The following ERBB4 variants were observed in gnomAD, a reference collection of about 807,000 sequenced individuals.
ERBB4 encodes the protein receptor tyrosine-protein kinase erbB-4.
Under a neutral mutation model 158.0 loss-of-function variants are expected in ERBB4, and 42 were observed. That is an observed-to-expected ratio of 0.27 (90% CI 0.21 to 0.34). ERBB4 has a LOEUF of 0.34. Ranked by LOEUF, ERBB4 falls within the 10% of genes least tolerant of loss-of-function variation. The pLI is 1.00. For synonymous variants in ERBB4, 583 were observed against 558.7 expected (o/e 1.04, Z -0.61); for missense variants, 1,333 against 1,624.1 (o/e 0.82, Z 3.08).
chr2:211,628,809 C>T (rs954837926), intron 17 of ERBB4, among the ~76,000 whole-genome samples: 14 of 152,306 alleles, frequency 9.2e-5, no homozygotes, highest in African/African-American at 3.4e-4. Flanking sequence ...GTTCCTATTT[C>T]TCCACATCCT....
intron 1 of ERBB4, among the ~76,000 whole-genome samples, chr2:212,380,851 A>C (rs772609740): frequency 6.6e-6 from 1 of 151,234 alleles, no homozygotes; most frequent in Non-Finnish European, 1.5e-5. Context: ...GTATTTACTT[A>C]AAGTTTATTC....
intron 21 of ERBB4, among the ~76,000 whole-genome samples, chr2:211,430,315 TA>T (rs1214436921): frequency 3.3e-5 from 5 of 152,108 alleles, no homozygotes; most frequent in Non-Finnish European, 5.9e-5. Context: ...ATATGAAGTC[TA>T]GTCCTAATAG....
chr2:211,650,273 T>C (rs943168834), intron 16 of ERBB4, among the ~76,000 whole-genome samples: 2 of 152,084 alleles, frequency 1.3e-5, no homozygotes, highest in Non-Finnish European at 2.9e-5. Flanking sequence ...TTAAGTATTG[T>C]TCATTTATAA....
intron 1 of ERBB4, among the ~76,000 whole-genome samples, chr2:212,478,877 T>G (rs1689541611): frequency 6.6e-6 from 1 of 152,134 alleles, no homozygotes; most frequent in Admixed American, 6.6e-5. Context: ...GATGAGTTTG[T>G]GGGCAGGAAT....
rs901992446 is a variant in ERBB4, at chr2:211,607,890, G to A, written c.2301+11287C>T. Among the ~76,000 whole-genome samples the A allele has an allele frequency of 2.0e-3, 118 of 60,298 alleles. 1 individual carries two copies. Among genetic ancestry groups the A allele is most frequent in the Middle Eastern group, 0.019 (1 of 52 alleles). The allele number at this position is 60,298 out of a possible 152,430, so 39.6% of individuals were successfully genotyped here. On this transcript the variant is annotated intron_variant, in intron 19 of 27. Coordinates refer to ENST00000342788, the MANE Select transcript of ERBB4 (RefSeq NM_005235.3). ...ATTTTTTTTTTTTTTTTTTTTTTTA[G>A]ACAGGGTCTCACTCTGTCTCCCAGG...
chr2:211,421,460 A>C (rs1016982183), intron 24 of ERBB4, among the ~76,000 whole-genome samples: 4 of 151,886 alleles, frequency 2.6e-5, no homozygotes, highest in African/African-American at 9.7e-5. Context: ...TCTAGTGTTA[A>C]ATATAAAATA....
chr2:212,044,423 T>A (rs2125379910), intron 2 of ERBB4, among the ~76,000 whole-genome samples: 1 of 152,280 alleles, frequency 6.6e-6, no homozygotes, highest in Non-Finnish European at 1.5e-5. Context: ...GTTGAAGTAC[T>A]GAGTTTTTTT....
At chr2:212,258,605 A>C (rs2084825697) in intron 1 of ERBB4, among the ~76,000 whole-genome samples, 1 of 148,238 alleles carries the variant, frequency 6.7e-6, no homozygotes, top group African/African-American at 2.4e-5. Context: ...CTCTTTAAAA[A>C]TATATAAGAT....
chr2:212,301,220 T>A (rs913140986), intron 1 of ERBB4, among the ~76,000 whole-genome samples: 1 of 151,254 alleles, frequency 6.6e-6, no homozygotes, highest in African/African-American at 2.4e-5. Context: ...ATAACAGTTA[T>A]ACTCTAATAT....
chr2:211,994,576 T>C (rs1159059051), intron 2 of ERBB4, among the ~76,000 whole-genome samples: 1 of 152,232 alleles, frequency 6.6e-6, no homozygotes, highest in African/African-American at 2.4e-5. Flanking sequence ...GGAGTTGTTG[T>C]TTTTTTACTT....
rs2067111720 is a variant in ERBB4, at chr2:211,552,046, C to T, written c.2487+9857G>A. Reference sequence around the variant, plus strand: ...CGTTTTTAATGTGAAAGAGGTTCTTCTCTCCCATTTGCCCCTTCCACTAAC... The same window carrying T: ...CGTTTTTAATGTGAAAGAGGTTCTTTTCTCCCATTTGCCCCTTCCACTAAC... On this transcript the variant is annotated intron_variant, in intron 20 of 27. Coordinates refer to ENST00000342788, the MANE Select transcript of ERBB4 (RefSeq NM_005235.3). Among the ~76,000 whole-genome samples, 3 of 152,264 alleles carry T rather than the reference C, an allele frequency of 2.0e-5. No individual in the cohort carries two copies. The South Asian group carries it at 6.2e-4, about 32-fold the overall frequency.
At chr2:212,402,833 A>G (rs888925458) in intron 1 of ERBB4, among the ~76,000 whole-genome samples, 1 of 152,116 alleles carries the variant, frequency 6.6e-6, no homozygotes, top group Admixed American at 6.6e-5. Context: ...ATCAATAAAT[A>G]TCATACCAAA....
At chr2:211,980,103 T>C (rs2081747160) in intron 2 of ERBB4, among the ~76,000 whole-genome samples, 6 of 152,196 alleles carry the variant, frequency 3.9e-5, no homozygotes. Flanking sequence ...TAAATTTGTA[T>C]AGACCTATTA....
chr2:211,388,585 A>AAGTT (rs1229001184), intron 25 of ERBB4, among the ~76,000 whole-genome samples: 2 of 148,294 alleles, frequency 1.3e-5, no homozygotes, highest in Non-Finnish European at 3.0e-5. Context: ...TTTTTTTTTT[A>AAGTT]AGTTAAGAAA....
intron 1 of ERBB4, among the ~76,000 whole-genome samples, chr2:212,277,563 G>T (rs1384741613): frequency 6.6e-6 from 1 of 151,668 alleles, no homozygotes; most frequent in Non-Finnish European, 1.5e-5. Flanking sequence ...ATGGCTAACT[G>T]CTTCCTGTTC....
At chr2:211,552,108 G>A (rs1052906482) in intron 20 of ERBB4, among the ~76,000 whole-genome samples, 14 of 151,858 alleles carry the variant, frequency 9.2e-5, no homozygotes, top group Admixed American at 6.6e-4. Context: ...AAAGTAAAGC[G>A]CACAGATACC....
chr2:211,673,288 T>C, intron 13 of ERBB4, 31 bp from the exon 14 acceptor site: 1 of 1,500,724 alleles, frequency 6.7e-7, no homozygotes. Context: ...TGAGGAGGTG[T>C]AAGCAAACAA....
At position 211,788,142 on chromosome 2, in the gene ERBB4, C is replaced by T. The variant is rs1360319606; in HGVS notation, c.439G>A (p.Val147Ile). 1 of 1,612,268 alleles carries T rather than the reference C, an allele frequency of 6.2e-7. No individual in the cohort carries two copies. The change falls in exon 4 of 28, where the codon GTC becomes ATC. Residue 147 changes from valine (V) to isoleucine (I), a missense_variant. Physicochemically the swap from Val to Ile is conservative, Grantham distance 29 (BLOSUM62 3). Transcript: ENST00000342788. ...KNLTEILNGGVYVDQNKFLCY... is the reference protein window; with the variant it reads ...KNLTEILNGGIYVDQNKFLCY... ...AGGAATTTGTTCTGGTCTACATAGA[C>T]TCCACCATTTAGGATTTCTGTATTA...
Position 212,367,565 on chromosome 2 carries a change from A to G in ERBB4, c.82+170884T>C, listed in dbSNP as rs141806933. 5.1e-3 allele frequency among the ~76,000 whole-genome samples: 784 copies of G among 152,254 alleles called. 5 individuals are homozygous for G. The highest frequency in any genetic ancestry group is 0.024 in the Middle Eastern group (7 of 294). Reference sequence around the variant, plus strand: ...TGACCAAGAACCCAAAGCAAATGCAATGAAAACAAAGATAAATAGCTGGGA... The same window carrying G: ...TGACCAAGAACCCAAAGCAAATGCAGTGAAAACAAAGATAAATAGCTGGGA... On this transcript the variant is annotated intron_variant, in intron 1 of 27. Coordinates refer to ENST00000342788, the MANE Select transcript of ERBB4 (RefSeq NM_005235.3).
Sources: allele counts gnomAD v4.1 joint callset (sites outside exome capture counted in the v4.1 genomes callset), GRCh38; gene constraint gnomAD v4.1.1; transcripts MANE v1.5; gene names NCBI Gene and HGNC (gene_info 2026-07-23, HGNC 2026-07-21).